ANXA3: variants seen among roughly 807,000 people sequenced by gnomAD.
ANXA3 encodes annexin A3.
A neutral mutation model predicts 48.8 loss-of-function variants in ANXA3; 46 were observed. That is an observed-to-expected ratio of 0.94 (90% confidence interval 0.74 to 1.21). The LOEUF (loss-of-function observed/expected upper bound fraction) is 1.21, where lower values mean the gene tolerates loss of function less well. ANXA3 is among the 50% of genes most tolerant of loss of function. ANXA3 has a pLI of 0.00. For synonymous variants in ANXA3, 128 were observed against 134.7 expected (o/e 0.95, Z 0.35); for missense variants, 383 against 378.6 (o/e 1.01, Z -0.10).
In ANXA3 at chr4:78,565,335, T is replaced by C. The variant is rs1722709877; in HGVS notation, c.16-7845T>C. On this transcript the variant is annotated intron_variant, in intron 2 of 12. Coordinates refer to ENST00000264908, the MANE Select transcript of ANXA3 (RefSeq NM_005139.3). ...CTGCTATGTGGGAAATGGCTGGAGA[T>C]GGGAAGTAGGAAGTAGAGAGGAACA... 2.0e-5 allele frequency among the ~76,000 whole-genome samples: 3 copies of C among 152,016 alleles called. 1 individual carries two copies. The South Asian group carries it at 6.2e-4, about 32-fold the overall frequency.
intron 2 of ANXA3, among the ~76,000 whole-genome samples, 198 bp downstream of exon 2, chr4:78,554,686 C>CT (rs1722474196): frequency 6.6e-6 from 1 of 152,028 alleles, no homozygotes; most frequent in Non-Finnish European, 1.5e-5. Flanking sequence ...GTTAAAATAA[C>CT]TTATGATGAC....
intron 6 of ANXA3, among the ~76,000 whole-genome samples, chr4:78,589,631 A>G (rs1041929750): frequency 6.6e-6 from 1 of 152,158 alleles, no homozygotes; most frequent in Non-Finnish European, 1.5e-5. Flanking sequence ...ATATTTGTGC[A>G]TAGCTTTTGG....
intron 2 of ANXA3, among the ~76,000 whole-genome samples, chr4:78,564,397 T>C (rs1722687626): frequency 6.6e-6 from 1 of 152,152 alleles, no homozygotes; most frequent in Admixed American, 6.5e-5. Flanking sequence ...GCCAACCATC[T>C]AGTGTAGAGC....
chr4:78,563,238 G>A (rs61364495), intron 2 of ANXA3, among the ~76,000 whole-genome samples: 16,641 of 152,158 alleles, frequency 0.11, 1,153 homozygotes, highest in East Asian at 0.36. Context: ...ATTTATGTAA[G>A]AAGTATTCTG....
intron 12 of ANXA3, among the ~76,000 whole-genome samples, chr4:78,606,468 TG>T (rs1340607116): frequency 1.3e-5 from 2 of 152,196 alleles, no homozygotes; most frequent in Non-Finnish European, 1.5e-5. Context: ...GCACTACCTC[TG>T]TGGGGGAGCT....
intron 10 of ANXA3, among the ~76,000 whole-genome samples, chr4:78,599,176 C>T (rs1266062768): frequency 1.3e-5 from 2 of 152,104 alleles, no homozygotes; most frequent in Non-Finnish European, 2.9e-5. Flanking sequence ...GTGTGCAATT[C>T]AATGCTTTTT....
At chr4:78,609,984 T>C (rs1723724225) in intron 12 of ANXA3, 72 bp from the exon 13 acceptor site, 2 of 1,193,924 alleles carry the variant, frequency 1.7e-6, no homozygotes, top group East Asian at 2.4e-5. Context: ...CCTAGTGCTA[T>C]AGGATTTGAT....
At chr4:78,584,243 ATTATG>A (rs1723128231) in intron 5 of ANXA3, among the ~76,000 whole-genome samples, 1 of 152,176 alleles carries the variant, frequency 6.6e-6, no homozygotes, top group African/African-American at 2.4e-5. Context: ...AAGTGGTGCA[ATTATG>A]GCTCACTGCA....
chr4:78,573,678 G>A (rs1224701477), intron 3 of ANXA3, among the ~76,000 whole-genome samples: 1 of 152,158 alleles, frequency 6.6e-6, no homozygotes, highest in East Asian at 1.9e-4. Context: ...CGTGCACAAG[G>A]GGGTTTGGGG....
intron 2 of ANXA3, among the ~76,000 whole-genome samples, chr4:78,561,996 T>C (rs1722637104): frequency 1.3e-5 from 2 of 152,232 alleles, no homozygotes; most frequent in African/African-American, 2.4e-5. Flanking sequence ...AAGCTGTTCT[T>C]TGCCATTCTC....
chr4:78,556,128 T>C (rs1722507459), intron 2 of ANXA3, among the ~76,000 whole-genome samples: 1 of 152,106 alleles, frequency 6.6e-6, no homozygotes, highest in South Asian at 2.1e-4. Context: ...TTGCATAAGG[T>C]TGAAAAAATA....
intron 9 of ANXA3, chr4:78,597,082 A>C (rs1463986506): frequency 2.6e-6 from 1 of 384,780 alleles, no homozygotes; most frequent in African/African-American, 2.2e-5. Flanking sequence ...AGAGAAGGGG[A>C]AAGAGAAAGA....
At chr4:78,578,463 C>T (rs1723008097) in intron 3 of ANXA3, among the ~76,000 whole-genome samples, 1 of 151,892 alleles carries the variant, frequency 6.6e-6, no homozygotes, top group Non-Finnish European at 1.5e-5. Context: ...GTTTTGGGGT[C>T]AGAGATTTGG....
At chr4:78,604,482 G>C in intron 12 of ANXA3, 83 bp downstream of exon 12, 7 of 1,178,698 alleles carry the variant, frequency 5.9e-6, no homozygotes, top group Non-Finnish European at 8.2e-6. Flanking sequence ...AAAATATAAA[G>C]ATATTTGACT....
chr4:78,609,099 T>C (rs995277040), intron 12 of ANXA3, among the ~76,000 whole-genome samples: 1 of 152,070 alleles, frequency 6.6e-6, no homozygotes, highest in South Asian at 2.1e-4. Flanking sequence ...GAACAAGAAA[T>C]AAAGAAAACA....
At chr4:78,556,305 C>T (rs1722510096) in intron 2 of ANXA3, among the ~76,000 whole-genome samples, 2 of 151,972 alleles carry the variant, frequency 1.3e-5, no homozygotes, top group African/African-American at 4.8e-5. Context: ...TGTGAATTGA[C>T]ATTAAAAAAG....
chr4:78,593,027 G>T (rs1388137030), intron 7 of ANXA3, among the ~76,000 whole-genome samples: 1 of 151,666 alleles, frequency 6.6e-6, no homozygotes, highest in Non-Finnish European at 1.5e-5. Flanking sequence ...CCTATAATTT[G>T]CCAAATAATT....
At chr4:78,564,251 GAC>G (rs1168162518) in intron 2 of ANXA3, among the ~76,000 whole-genome samples, 1 of 152,174 alleles carries the variant, frequency 6.6e-6, no homozygotes, top group Non-Finnish European at 1.5e-5. Flanking sequence ...AGAATCACCA[GAC>G]ACAGTCATGC....
At chr4:78,562,976 G>A (rs1041513905) in intron 2 of ANXA3, among the ~76,000 whole-genome samples, 1 of 152,174 alleles carries the variant, frequency 6.6e-6, no homozygotes, top group African/African-American at 2.4e-5. Context: ...AAGATTACAA[G>A]GGGATTGGGG....
Sources: gnomAD v4.1 joint callset for allele counts (sites outside exome capture counted in the v4.1 genomes callset) on GRCh38, gnomAD v4.1.1 for gene constraint, MANE v1.5 for transcripts, NCBI Gene and HGNC (gene_info 2026-07-23, HGNC 2026-07-21) for gene names.